Variants in CNTN4 observed in about 807,000 individuals in gnomAD.
CNTN4 encodes the protein contactin-4.
Under a neutral mutation model 122.5 loss-of-function variants are expected in CNTN4, and 77 were observed. That is an observed-to-expected ratio of 0.63 (90% CI 0.52 to 0.76). The LOEUF (loss-of-function observed/expected upper bound fraction) is 0.76, where lower values mean the gene tolerates loss of function less well. Ranked by LOEUF, CNTN4 falls within the 30% of genes least tolerant of loss-of-function variation. The pLI, the probability that CNTN4 is intolerant of heterozygous loss-of-function variation, is 0.00. For synonymous variants in CNTN4, 512 were observed against 447.0 expected (o/e 1.15, Z -1.83); for missense variants, 1,256 against 1,259.1 (o/e 1.00, Z 0.04).
intron 4 of CNTN4, among the ~76,000 whole-genome samples, chr3:2,683,969 C>CA (rs1314598853): frequency 6.6e-6 from 1 of 152,112 alleles, no homozygotes; most frequent in Non-Finnish European, 1.5e-5. Flanking sequence ...CTTAAGCCTA[C>CA]AAATTTGAGA....
intron 4 of CNTN4, among the ~76,000 whole-genome samples, chr3:2,671,748 G>A (rs1275219101): frequency 1.3e-5 from 2 of 152,072 alleles, no homozygotes; most frequent in African/African-American, 2.4e-5. Flanking sequence ...TTTGATGATG[G>A]TGACATACGA....
At chr3:2,534,611 C>G (rs2077726988) in intron 3 of CNTN4, among the ~76,000 whole-genome samples, 1 of 151,856 alleles carries the variant, frequency 6.6e-6, no homozygotes, top group Admixed American at 6.6e-5. Context: ...TCCTTCTGGT[C>G]ATTACGTGTC....
At chr3:2,708,684 C>T (rs1189806885) in intron 4 of CNTN4, among the ~76,000 whole-genome samples, 1 of 150,614 alleles carries the variant, frequency 6.6e-6, no homozygotes. Context: ...TTCCCTCCTA[C>T]CCAGAGAGCA....
At chr3:2,124,679 CAGGAGGTTCCCT>C (rs1380454330) in intron 2 of CNTN4, among the ~76,000 whole-genome samples, 2 of 152,074 alleles carry the variant, frequency 1.3e-5, no homozygotes, top group Non-Finnish European at 2.9e-5. Flanking sequence ...GAGGCTGAGG[CAGGAGGTTCCCT>C]TGTGCCAGGA....
At chr3:2,876,360 T>C (rs559707173) in intron 8 of CNTN4, among the ~76,000 whole-genome samples, 2 of 152,344 alleles carry the variant, frequency 1.3e-5, no homozygotes, top group Admixed American at 1.3e-4. Flanking sequence ...GGTGAATTTG[T>C]GTGACTAATT....
In CNTN4 at chr3:2,709,197, T is replaced by G. The variant is rs566008837; in HGVS notation, c.56-27018T>G. 3.8e-4 allele frequency among the ~76,000 whole-genome samples: 58 copies of G among 152,294 alleles called. No homozygotes were observed. Among genetic ancestry groups the G allele is most frequent in the Admixed American group, 1.6e-3 (25 of 15,300 alleles). On this transcript the variant is annotated intron_variant, in intron 4 of 24. Transcript: ENST00000418658. This position sits in a 1 kb window ranked among gnomAD's most constrained non-coding sequence, Gnocchi z 5.0. ...TGCATTTACAACAGACAAAACCAAATTTTATTGGTAAAAATAACTATTTCT... is the reference window on the plus strand; with the variant it reads ...TGCATTTACAACAGACAAAACCAAAGTTTATTGGTAAAAATAACTATTTCT...
intron 13 of CNTN4, chr3:2,927,319 T>A: frequency 2.2e-6 from 1 of 456,072 alleles, no homozygotes; most frequent in South Asian, 1.5e-5. Flanking sequence ...GGTTTGGTAG[T>A]GGCTCTGCTC....
At chr3:2,889,524 G>A (rs936594116) in intron 10 of CNTN4, among the ~76,000 whole-genome samples, 2 of 152,140 alleles carry the variant, frequency 1.3e-5, no homozygotes, top group Non-Finnish European at 2.9e-5. Flanking sequence ...TCAGTGAGAT[G>A]CTATGGCTGT....
chr3:2,344,834 T>C (rs1002376770), intron 3 of CNTN4, among the ~76,000 whole-genome samples: 1 of 152,360 alleles, frequency 6.6e-6, no homozygotes, highest in South Asian at 2.1e-4. Flanking sequence ...TGGTTGTAAA[T>C]ATTAGGCTAT....
At chr3:2,656,254 T>G (rs2083587723) in intron 4 of CNTN4, among the ~76,000 whole-genome samples, 1 of 152,174 alleles carries the variant, frequency 6.6e-6, no homozygotes, top group African/African-American at 2.4e-5. Flanking sequence ...AGAGAAAAAT[T>G]TACTCAAAGT....
intron 2 of CNTN4, among the ~76,000 whole-genome samples, chr3:2,117,562 A>T (rs543101147): frequency 3.7e-4 from 57 of 152,270 alleles, no homozygotes; most frequent in Non-Finnish European, 7.1e-4. Context: ...CAACCCTCTA[A>T]TTATATCTTG....
chr3:2,710,085 C>G (rs193013949), intron 4 of CNTN4, among the ~76,000 whole-genome samples: 1 of 152,088 alleles, frequency 6.6e-6, no homozygotes, highest in South Asian at 2.1e-4. Context: ...AATATTAGTT[C>G]GAACCACAGT....
At chr3:2,850,837 T>A (rs1239067849) in intron 7 of CNTN4, among the ~76,000 whole-genome samples, 4 of 152,076 alleles carry the variant, frequency 2.6e-5, no homozygotes, top group African/African-American at 9.7e-5. Flanking sequence ...AGAGATGGAT[T>A]TTTTTTTCCC....
intron 3 of CNTN4, among the ~76,000 whole-genome samples, chr3:2,441,532 AT>A (rs779108387): frequency 5.3e-5 from 8 of 152,212 alleles, no homozygotes; most frequent in Admixed American, 5.2e-4. Flanking sequence ...AACATATTCT[AT>A]TCTGCAGAGT....
chr3:2,414,008 G>A (rs1441842711), intron 3 of CNTN4, among the ~76,000 whole-genome samples: 1 of 152,232 alleles, frequency 6.6e-6, no homozygotes, highest in African/African-American at 2.4e-5. Flanking sequence ...GCCATTCGTT[G>A]AATACCGAGG....
chr3:2,409,216 A>G (rs1466046121), intron 3 of CNTN4, among the ~76,000 whole-genome samples: 1 of 150,964 alleles, frequency 6.6e-6, no homozygotes, highest in Non-Finnish European at 1.5e-5. Context: ...CTTTTTTTAA[A>G]GTTCTGAGTA....
At chr3:2,937,998 A>T (rs910269576) in intron 13 of CNTN4, among the ~76,000 whole-genome samples, 1 of 152,190 alleles carries the variant, frequency 6.6e-6, no homozygotes, top group Non-Finnish European at 1.5e-5. Context: ...CATCAACAGG[A>T]AGAAGCTACA....
chr3:2,999,286 C>T (rs1044638062), intron 14 of CNTN4: 5 of 152,158 alleles, frequency 3.3e-5, no homozygotes, highest in African/African-American at 1.2e-4. Context: ...AAAATAGCAT[C>T]AGCAAAACAA....
At chr3:2,952,614 A>T (rs1420711326) in intron 13 of CNTN4, among the ~76,000 whole-genome samples, 1 of 152,222 alleles carries the variant, frequency 6.6e-6, no homozygotes, top group Non-Finnish European at 1.5e-5. Flanking sequence ...ACCATTCCCT[A>T]CTGAAGAATA....
Sources: allele counts gnomAD v4.1 joint callset (sites outside exome capture counted in the v4.1 genomes callset), GRCh38; gene constraint gnomAD v4.1.1; non-coding constraint Gnocchi (gnomAD v3.1); transcripts MANE v1.5; gene names NCBI Gene and HGNC (gene_info 2026-07-23, HGNC 2026-07-21).